Variants in TNRC6A observed in about 807,000 individuals in gnomAD.
The protein encoded by TNRC6A is trinucleotide repeat containing adaptor 6A, also known as trinucleotide repeat-containing gene 6A protein.
In TNRC6A, 44 loss-of-function variants were observed where a neutral mutation model predicts 221.2. The observed-to-expected ratio is 0.20, with a 90% CI of 0.16 to 0.26. The LOEUF (loss-of-function observed/expected upper bound fraction) is 0.26, where lower values mean the gene tolerates loss of function less well. TNRC6A is among the 10% of genes least tolerant of loss of function. TNRC6A has a pLI of 1.00. For synonymous variants in TNRC6A, 847 were observed against 838.5 expected, an observed-to-expected ratio of 1.01 and a Z score of -0.18; for missense variants, 2,199 against 2,404.4, an observed-to-expected ratio of 0.91 and a Z score of 1.79.
rs545336054 is a variant in TNRC6A at position 24,791,947 on chromosome 16, T to C, written c.3175+130T>C. The C allele has an allele frequency of 3.0e-6, 3 of 1,016,896 alleles. No homozygotes were observed. In the East Asian group the frequency reaches 9.1e-5, roughly 31 times the overall value. 63.0% of individuals were successfully genotyped at this position (1,016,896 alleles called of 1,614,324 possible). On this transcript the variant is annotated intron_variant, in intron 6 of 24. Transcript: ENST00000395799. ...AATCCAGAAGCAGCTTGAAAAAAAT[T>C]ATAGGGGTGATGTTTACCACCAGAG...
intron 2 of TNRC6A, among the ~76,000 whole-genome samples, chr16:24,715,747 A>G (rs1044268592): frequency 1.9e-4 from 29 of 151,478 alleles, no homozygotes; most frequent in African/African-American, 6.3e-4. Flanking sequence ...CCTCCCAAGT[A>G]GCTGGGACTA....
At chr16:24,669,941 C>CTTTTTTTTTTATTTTTTTTTTTTTTTTTT (rs2055257070) in intron 2 of TNRC6A, among the ~76,000 whole-genome samples, 1 of 27,162 alleles carries the variant, frequency 3.7e-5, no homozygotes, top group Admixed American at 6.8e-4. Context: ...GAGGCAGCTA[C>CTTTTTTTTTTATTTTTTTTTTTTTTTTTT]TTTTTTTTTT....
intron 2 of TNRC6A, among the ~76,000 whole-genome samples, chr16:24,693,696 T>C (rs577758252): frequency 6.6e-6 from 1 of 152,090 alleles, no homozygotes; most frequent in African/African-American, 2.4e-5. Context: ...GCCCAGGAGG[T>C]CAAGACAAGC....
intron 5 of TNRC6A, chr16:24,778,262 G>C: frequency 1.0e-6 from 1 of 984,520 alleles, no homozygotes; most frequent in Non-Finnish European, 1.2e-6. Flanking sequence ...GTGCCAGGTA[G>C]TTACTCACTT....
At chr16:24,667,215 G>A (rs141671468) in intron 2 of TNRC6A, among the ~76,000 whole-genome samples, 2 of 152,278 alleles carry the variant, frequency 1.3e-5, no homozygotes, top group African/African-American at 4.8e-5. Flanking sequence ...ACTTTTTGAT[G>A]TATCTGTGAT....
chr16:24,824,059 C>G lies in TNRC6A; in HGVS notation c.*252C>G. ...CATGCTAAACCGTAGAGAATGAGCT[C>G]GCTTGTGTCTATTCATCATGTTTAG... On this transcript the variant is annotated 3_prime_UTR_variant, in exon 25 of 25. Coordinates refer to ENST00000395799, the MANE Select transcript of TNRC6A (RefSeq NM_014494.4). The G allele has an allele frequency of 3.7e-6, 1 of 273,530 alleles. No homozygotes were observed. 16.9% of individuals were successfully genotyped at this position (273,530 alleles called of 1,614,324 possible).
chr16:24,776,750 A>T (rs555741698), intron 4 of TNRC6A, 183 bp from the exon 5 acceptor site: 1 of 985,290 alleles, frequency 1.0e-6, no homozygotes, highest in Non-Finnish European at 1.2e-6. Flanking sequence ...GAAGTGAAAT[A>T]TGACTCTTGG....
At chr16:24,667,313 C>T (rs2055193238) in intron 2 of TNRC6A, among the ~76,000 whole-genome samples, 1 of 152,236 alleles carries the variant, frequency 6.6e-6, no homozygotes, top group Middle Eastern at 3.4e-3. Flanking sequence ...GGACTCCTCT[C>T]ATCCTGCAGA....
chr16:24,790,153 T>C lies in TNRC6A; in HGVS notation c.1511T>C (p.Leu504Pro). 1.2e-6 allele frequency: 2 copies of C among 1,614,220 alleles called. No individual in the cohort carries two copies. Among genetic ancestry groups the C allele is most frequent in the Non-Finnish European group, 1.7e-6 (2 of 1,180,036 alleles). Residue 504 changes from leucine to proline, a missense_variant, in exon 6 of 25, where the codon CTT (leucine) becomes CCT (proline). By Grantham distance (98) the Leu-to-Pro change is moderately conservative. Around this residue, in one of 8 missense-constraint regions of TNRC6A, gnomAD observed 1,405 missense variants for 1,400.2 expected, o/e 1.00. Transcript: ENST00000395799. ...CCATCAGGTATGAATGGCACTTCCCTTTCTCACCTTAGCAATGGAGAGTCA... is the reference window on the plus strand; with the variant it reads ...CCATCAGGTATGAATGGCACTTCCCCTTCTCACCTTAGCAATGGAGAGTCA... ...QAPSGMNGTS[L>P]SHLSNGESKS... is the part of the protein sequence containing the mutation.
At chr16:24,731,330 T>C (rs2056636023) in intron 2 of TNRC6A, among the ~76,000 whole-genome samples, 1 of 152,252 alleles carries the variant, frequency 6.6e-6, no homozygotes, top group South Asian at 2.1e-4. Context: ...TCAAATCGTC[T>C]GAATATTTTG....
At chr16:24,725,961 C>T (rs1242346106), upstream of TNRC6A, among the ~76,000 whole-genome samples, 5 of 151,326 alleles carry the variant, frequency 3.3e-5, no homozygotes, top group Non-Finnish European at 7.4e-5. Context: ...GATCATGCCA[C>T]TGCACTCCAG....
chr16:24,678,921 TAC>T (rs987573368), intron 2 of TNRC6A, among the ~76,000 whole-genome samples: 1 of 152,114 alleles, frequency 6.6e-6, no homozygotes, highest in African/African-American at 2.4e-5. Flanking sequence ...AACTTGTATA[TAC>T]ACACTAGTGG....
intron 2 of TNRC6A, among the ~76,000 whole-genome samples, chr16:24,675,902 A>T (rs2055412448): frequency 6.6e-6 from 1 of 151,020 alleles, no homozygotes; most frequent in Non-Finnish European, 1.5e-5. Flanking sequence ...TCATCATCAC[A>T]GAGTCCAGGA....
chr16:24,613,484 ATTTTATTTTATTTTATTTT>A (rs1344813953), intron 1 of TNRC6A, among the ~76,000 whole-genome samples: 28 of 133,144 alleles, frequency 2.1e-4, no homozygotes, highest in Admixed American at 2.0e-3. Flanking sequence ...ATTTTATTTT[ATTTTATTTTATTTTATTTT>A]ATTTTATTTT....
intron 2 of TNRC6A, among the ~76,000 whole-genome samples, chr16:24,693,621 C>T (rs2055799324): frequency 6.6e-6 from 1 of 151,362 alleles, no homozygotes; most frequent in African/African-American, 2.4e-5. Flanking sequence ...AAAAATTATC[C>T]AGGCATGGTG....
At chr16:24,820,497 C>G (rs888838267) in intron 22 of TNRC6A, 137 bp downstream of exon 22, 1 of 745,982 alleles carries the variant, frequency 1.3e-6, no homozygotes, top group African/African-American at 1.8e-5. Context: ...CTTCGGTAAA[C>G]AAATGATCCA....
chr16:24,786,565 C>T (rs1050140082), intron 5 of TNRC6A, among the ~76,000 whole-genome samples: 1 of 152,026 alleles, frequency 6.6e-6, no homozygotes, highest in Non-Finnish European at 1.5e-5. Context: ...CCTCCCGCCT[C>T]GGCTCCCTAA....
At chr16:24,768,741 T>A (rs2057529072) in intron 4 of TNRC6A, among the ~76,000 whole-genome samples, 1 of 152,326 alleles carries the variant, frequency 6.6e-6, no homozygotes, top group South Asian at 2.1e-4. Context: ...TAAAGTGACA[T>A]CATGTGTTAA....
intron 1 of TNRC6A, among the ~76,000 whole-genome samples, chr16:24,633,395 T>C (rs1227743412): frequency 6.6e-6 from 1 of 152,170 alleles, no homozygotes; most frequent in Non-Finnish European, 1.5e-5. Flanking sequence ...TATTTTTTTT[T>C]CTTTTTCTTT....
Sources: gnomAD v4.1 joint callset for allele counts (sites outside exome capture counted in the v4.1 genomes callset) on GRCh38, gnomAD v4.1.1 for gene constraint, gnomAD v4.1.1 regional missense constraint, MANE v1.5 for transcripts, NCBI Gene and HGNC (gene_info 2026-07-23, HGNC 2026-07-21) for gene names.